MYH8: variants seen among roughly 807,000 people sequenced by gnomAD.
MYH8 encodes myosin heavy chain 8.
In MYH8, 168 loss-of-function variants were observed where a neutral mutation model predicts 233.2. The observed-to-expected ratio is 0.72, with a 90% CI of 0.64 to 0.82. The LOEUF is 0.82. Among genes scored for constraint, MYH8 ranks in the 40% least tolerant of loss-of-function variants. The probability of loss-of-function intolerance (pLI) is 0.00; values close to 1 mark genes in which losing one functional copy is unlikely to be tolerated. For missense variants in MYH8, 1,995 were observed against 2,327.8 expected, an observed-to-expected ratio of 0.86 and a Z score of 2.94; for synonymous variants, 785 against 850.6, an observed-to-expected ratio of 0.92 and a Z score of 1.34.
At chr17:10,406,625 G>A (rs1412171679) in intron 19 of MYH8, 65 bp downstream of exon 19, 34 of 1,461,620 alleles carry the variant, frequency 2.3e-5, no homozygotes, top group African/African-American at 4.2e-5. Flanking sequence ...TATATTATTC[G>A]ACTTCTTAAT....
rs1310971817 is a variant in MYH8 at position 10,415,859 on chromosome 17, A to G, written c.512-151T>C. The G allele has an allele frequency of 1.2e-5, 10 of 817,234 alleles. No homozygotes were observed. The highest frequency in any genetic ancestry group is 2.0e-5 in the Non-Finnish European group (10 of 500,936). 50.6% of individuals were successfully genotyped at this position (817,234 alleles called of 1,614,324 possible). Reference sequence around the variant, plus strand: ...TTGTGTTTATCCTCCAAAATAGCCAATTGCTTCTCAGTGTAAAATTTGTGA... The same window carrying G: ...TTGTGTTTATCCTCCAAAATAGCCAGTTGCTTCTCAGTGTAAAATTTGTGA... On this transcript the variant is annotated intron_variant, in intron 5 of 39. Coordinates refer to ENST00000403437, the MANE Select transcript of MYH8 (RefSeq NM_002472.3). This position sits in a 1 kb window ranked among gnomAD's most constrained non-coding sequence, Gnocchi z 4.1.
rs1174340983 is a variant in MYH8 at position 10,400,248 on chromosome 17, T to A, written c.3735+142A>T. On this transcript the variant is annotated intron_variant, in intron 27 of 39. Transcript: ENST00000403437. This position sits in a 1 kb window ranked among gnomAD's most constrained non-coding sequence, Gnocchi z 4.0. ...TCTTAATCGATCATAACCAGCATTTTAAAAAATACCATAGAATGGGATATA... is the reference window on the plus strand; with the variant it reads ...TCTTAATCGATCATAACCAGCATTTAAAAAAATACCATAGAATGGGATATA... The A allele has an allele frequency of 5.8e-6, 7 of 1,200,152 alleles. No homozygotes were observed. Among genetic ancestry groups the A allele is most frequent in the South Asian group, 1.3e-5 (1 of 79,934 alleles). 74.3% of individuals were successfully genotyped at this position (1,200,152 alleles called of 1,614,324 possible).
chr17:10,399,776 T>C, intron 27 of MYH8, 107 bp from the exon 28 acceptor site: 1 of 1,485,474 alleles, frequency 6.7e-7, no homozygotes, highest in East Asian at 2.4e-5. Context: ...CAAGTGTGAG[T>C]AGAAAGTTAG....
Position 10,409,498 on chromosome 17 carries a change from G to C in MYH8, c.1678C>G (p.Leu560Val), listed in dbSNP as rs546939198. Residue 560 changes from leucine to valine, a missense_variant, in exon 16 of 40, where the codon CTG becomes GTG. Around this residue, in one of 3 missense-constraint regions of MYH8, gnomAD observed 1,498 missense variants for 1,680.9 expected, o/e 0.89. Coordinates refer to ENST00000403437, the MANE Select transcript of MYH8 (RefSeq NM_002472.3). ...SFKNKLYDQH[L>V]GKSANFQKPK... is the part of the protein sequence containing the mutation. ...TTCTGGAAGTTGGCAGACTTGCCCA[G>C]GTGCTGGTCATACAGCTTGTTCTTG... 56 of 1,614,238 alleles carry C rather than the reference G, an allele frequency of 3.5e-5. No homozygotes were observed. In the Admixed American group the frequency reaches 9.3e-4, roughly 27 times the overall value.
intron 14 of MYH8, among the ~76,000 whole-genome samples, chr17:10,411,565 G>A (rs1448953195): frequency 1.3e-5 from 2 of 152,006 alleles, no homozygotes; most frequent in African/African-American, 4.8e-5. Flanking sequence ...TCGATTCAAA[G>A]GTAAAAGGGA....
Position 10,415,465 on chromosome 17 carries a change from G to C in MYH8, c.648+7C>G, listed in dbSNP as rs2072281843. The C allele has an allele frequency of 1.2e-6, 2 of 1,613,962 alleles. No homozygotes were observed. Among genetic ancestry groups the C allele is most frequent in the South Asian group, 1.1e-5 (1 of 91,084 alleles). Reference sequence around the variant, plus strand: ...ACAGAGGTTTTGACTCTGGCTATCAGACCTACCTGCATTTTGCCAGATTCA... The same window carrying C: ...ACAGAGGTTTTGACTCTGGCTATCACACCTACCTGCATTTTGCCAGATTCA... On this transcript the variant is annotated splice_region_variant and intron_variant, in intron 7 of 39. Transcript: ENST00000403437. This position sits in a 1 kb window ranked among gnomAD's most constrained non-coding sequence, Gnocchi z 4.1.
In MYH8 at chr17:10,392,661, A is replaced by C. The variant is rs1293722961; in HGVS notation, c.5464-15T>G. The C allele has an allele frequency of 6.2e-7, 1 of 1,614,040 alleles. No homozygotes were observed. Among genetic ancestry groups the C allele is most frequent in the Non-Finnish European group, 8.5e-7 (1 of 1,179,934 alleles). On this transcript the variant is annotated splice_polypyrimidine_tract_variant and intron_variant, in intron 37 of 39. Transcript: ENST00000403437. ...AGCTCACGTACCTGCAGCCAAGAAAAATACTTACGCAGTCAGTCTTGGGGG... is the reference window on the plus strand; with the variant it reads ...AGCTCACGTACCTGCAGCCAAGAAACATACTTACGCAGTCAGTCTTGGGGG...
chr17:10,414,091 T>C (rs1042142028), intron 11 of MYH8, 51 bp from the exon 12 acceptor site: 10 of 1,612,580 alleles, frequency 6.2e-6, no homozygotes, highest in Non-Finnish European at 8.5e-6. Flanking sequence ...GACTAACTTA[T>C]AAGAGAATTT....
intron 17 of MYH8, among the ~76,000 whole-genome samples, chr17:10,407,718 A>G (rs1490424347): frequency 5.3e-5 from 8 of 151,944 alleles, no homozygotes; most frequent in African/African-American, 1.9e-4. Flanking sequence ...GGGTGCCTGT[A>G]ATACCAGCTA....
intron 5 of MYH8, among the ~76,000 whole-genome samples, chr17:10,416,527 C>G (rs1236740991): frequency 6.6e-6 from 1 of 152,142 alleles, no homozygotes; most frequent in Admixed American, 6.5e-5. Context: ...GAGGAACTAC[C>G]ATACTGTTTC....
At position 10,400,512 on chromosome 17, in the gene MYH8, C is replaced by G; in HGVS notation, c.3613G>C (p.Glu1205Gln). 6.2e-7 allele frequency: 1 copy of G among 1,614,218 alleles called. No individual in the cohort carries two copies. The highest frequency in any genetic ancestry group is 8.5e-7 in the Non-Finnish European group (1 of 1,180,040). Residue 1205 changes from glutamate (E) to glutamine (Q), a missense_variant, in exon 27 of 40, where the codon GAG (glutamate) becomes CAG (glutamine). Physicochemically the swap from Glu to Gln is conservative, Grantham distance 29. Around this residue, in one of 3 missense-constraint regions of MYH8, gnomAD observed 1,498 missense variants for 1,680.9 expected, o/e 0.89. Transcript: ENST00000403437. This position sits in a 1 kb window ranked among gnomAD's most constrained non-coding sequence, Gnocchi z 4.0. ...AAGTTGTCAATCTGCTCCCCAAGCTCAGCCATACTGTCTGCGTGCTTCTTC... is the reference window on the plus strand; with the variant it reads ...AAGTTGTCAATCTGCTCCCCAAGCTGAGCCATACTGTCTGCGTGCTTCTTC... ...LRKKHADSMAELGEQIDNLQR... is the reference protein window; with the variant it reads ...LRKKHADSMAQLGEQIDNLQR...
In MYH8 at chr17:10,390,445, C is replaced by T. The variant is rs1245404677; in HGVS notation, c.*9G>A. 1.9e-6 allele frequency: 3 copies of T among 1,612,984 alleles called. No homozygotes were observed. Among genetic ancestry groups the T allele is most frequent in the South Asian group, 1.1e-5 (1 of 91,030 alleles). ...TCTTCAGCCTCTTGATAGCATCAGG[C>T]AGGTGTGTTTACTCTGCACTGATTT... On this transcript the variant is annotated 3_prime_UTR_variant, in exon 40 of 40. Coordinates refer to ENST00000403437, the MANE Select transcript of MYH8 (RefSeq NM_002472.3).
At chr17:10,411,448 A>G (rs899191247) in intron 14 of MYH8, among the ~76,000 whole-genome samples, 6 of 152,100 alleles carry the variant, frequency 3.9e-5, no homozygotes, top group Non-Finnish European at 1.5e-5. Context: ...AGGGTCCCAG[A>G]TATCAATGTT....
chr17:10,400,465 C>T lies in MYH8; in HGVS notation c.3660G>A (p.Leu1220=). The change falls in exon 27 of 40, where the codon CTG becomes CTA. Residue 1220 remains leucine (L), a synonymous_variant. Coordinates refer to ENST00000403437, the MANE Select transcript of MYH8 (RefSeq NM_002472.3). The surrounding 1 kb of genome is among the most constrained non-coding windows in gnomAD (Gnocchi z 4.0). ...IDNLQRVKQK[L]EKEKSELKME... ...TCTTCAGCTCACTCTTCTCCTTCTC[C>T]AGCTTCTGTTTGACCCGCTGCAAGT... 6.2e-7 allele frequency: 1 copy of T among 1,614,036 alleles called. No homozygotes were observed. Among genetic ancestry groups the T allele is most frequent in the Non-Finnish European group, 8.5e-7 (1 of 1,179,964 alleles).
At position 10,412,625 on chromosome 17, in the gene MYH8, G is replaced by T. The variant is rs747938355; in HGVS notation, c.1251C>A (p.Gly417=). The change falls in exon 13 of 40, where the codon GGC becomes GGA. Residue 417 remains glycine, a synonymous_variant. Coordinates refer to ENST00000403437, the MANE Select transcript of MYH8 (RefSeq NM_002472.3). ...ATGCACTTACCTGCTGCACAGTCTG[G>T]CCTTTGGTGACATACTCATTGCCAA... is the stretch of plus-strand genomic sequence containing the variant. ...VKVGNEYVTK[G]QTVQQVYNAV... is the part of the protein sequence containing the mutation. The T allele has an allele frequency of 6.2e-7, 1 of 1,614,236 alleles. No individual in the cohort carries two copies. The highest frequency in any genetic ancestry group is 1.3e-5 in the African/African-American group (1 of 75,060).
chr17:10,412,805 T>C, intron 12 of MYH8, 77 bp from the exon 13 acceptor site: 2 of 1,258,148 alleles, frequency 1.6e-6, no homozygotes, highest in Non-Finnish European at 2.3e-6. Context: ...TTTTCTCCAA[T>C]TCAATCTATT....
chr17:10,398,798 C>T lies in MYH8; in HGVS notation c.3951G>A (p.Glu1317=). The change falls in exon 29 of 40, where the codon GAG becomes GAA. Residue 1317 remains glutamate, a synonymous_variant. Coordinates refer to ENST00000403437, the MANE Select transcript of MYH8 (RefSeq NM_002472.3). ...SKQASTQQIE[E]LKHQLEEETK... is the part of the protein sequence containing the mutation. Reference sequence around the variant, plus strand: ...TTTCTTCCTCTAGTTGATGTTTCAGCTCTTCAATCTGCTGAGTAGATGCTT... The same window carrying T: ...TTTCTTCCTCTAGTTGATGTTTCAGTTCTTCAATCTGCTGAGTAGATGCTT... The T allele has an allele frequency of 6.2e-7, 1 of 1,614,122 alleles. No individual in the cohort carries two copies. The highest frequency in any genetic ancestry group is 8.5e-7 in the Non-Finnish European group (1 of 1,180,026).
chr17:10,393,151 A>G lies in MYH8; in HGVS notation c.5226T>C (p.Ser1742=), dbSNP rs768120382. The G allele has an allele frequency of 1.4e-5, 22 of 1,613,722 alleles. No individual in the cohort carries two copies. The highest frequency in any genetic ancestry group is 1.9e-5 in the Non-Finnish European group (22 of 1,179,926). Residue 1742 remains serine (S), a synonymous_variant, in exon 36 of 40, where the codon AGT becomes AGC. Transcript: ENST00000403437. ...KLENDVSQLQ[S]EVEEVIQESR... ...ATTCTTGGATTACTTCTTCCACTTC[A>G]CTTTGGAGTTGGGAAACGTCATTTT... is the stretch of plus-strand genomic sequence containing the variant.
chr17:10,412,733 A>G lies in MYH8; in HGVS notation c.1148-5T>C, dbSNP rs201987335. ...GATAGGCTGCCTTGTCAGCGACTGC[A>G]GAGACACAGTTCAGGACATGTTGTT... On this transcript the variant is annotated splice_region_variant and splice_polypyrimidine_tract_variant and intron_variant, in intron 12 of 39. Coordinates refer to ENST00000403437, the MANE Select transcript of MYH8 (RefSeq NM_002472.3). 2 of 1,604,370 alleles carry G rather than the reference A, an allele frequency of 1.2e-6. No individual in the cohort carries two copies. Among genetic ancestry groups the G allele is most frequent in the African/African-American group, 2.7e-5 (2 of 74,844 alleles).
Sources: gnomAD v4.1 joint callset for allele counts (sites outside exome capture counted in the v4.1 genomes callset) on GRCh38, gnomAD v4.1.1 for gene constraint, gnomAD v4.1.1 regional missense constraint, Gnocchi (gnomAD v3.1) non-coding constraint, MANE v1.5 for transcripts, NCBI Gene and HGNC (gene_info 2026-07-23, HGNC 2026-07-21) for gene names.